GFRA2: variants seen among roughly 807,000 people sequenced by gnomAD.
The protein encoded by GFRA2 is GDNF family receptor alpha-2.
In GFRA2, 17 loss-of-function variants were observed where a neutral mutation model predicts 48.3. That is an observed-to-expected ratio of 0.35 (90% CI 0.24 to 0.53). The LOEUF (loss-of-function observed/expected upper bound fraction) is 0.53. Among genes scored for constraint, GFRA2 ranks in the 20% least tolerant of loss-of-function variants. The pLI is 0.93. For synonymous variants in GFRA2, 305 were observed against 257.2 expected (o/e 1.19, Z -1.78); for missense variants, 660 against 637.3 (o/e 1.04, Z -0.38).
intron 4 of GFRA2, among the ~76,000 whole-genome samples, chr8:21,713,395 C>A (rs1297324821): frequency 6.6e-6 from 1 of 151,984 alleles, no homozygotes; most frequent in African/African-American, 2.4e-5. Flanking sequence ...GGGATTTCAC[C>A]TTGTTGGCCA....
Position 21,692,115 on chromosome 8 carries a change from C to A in GFRA2, c.*1163G>T, listed in dbSNP as rs747834420. On this transcript the variant is annotated 3_prime_UTR_variant, in exon 9 of 9. Coordinates refer to ENST00000524240, the MANE Select transcript of GFRA2 (RefSeq NM_001495.5). Reference sequence around the variant, plus strand: ...CCAGGCTGACTGGGGCAGGGCACTGCGGGGCCAATGTCCTTTTTCCCCATT... The same window carrying A: ...CCAGGCTGACTGGGGCAGGGCACTGAGGGGCCAATGTCCTTTTTCCCCATT... 6.6e-6 allele frequency: 1 copy of A among 152,532 alleles called. No homozygotes were observed. Among genetic ancestry groups the A allele is most frequent in the African/African-American group, 2.4e-5 (1 of 41,424 alleles). 9.4% of individuals were successfully genotyped at this position (152,532 alleles called of 1,614,324 possible). A position where few individuals can be genotyped will look rare whatever the true frequency, so the allele number is the denominator to read the frequency against.
At chr8:21,802,413 G>A (rs1043420249) in intron 2 of GFRA2, among the ~76,000 whole-genome samples, 101 of 152,278 alleles carry the variant, frequency 6.6e-4, no homozygotes, top group African/African-American at 2.3e-3. Context: ...GGAGTGCAGT[G>A]GCTAAATCAT....
At chr8:21,752,539 C>A (rs79971744) in intron 3 of GFRA2, among the ~76,000 whole-genome samples, 1 of 152,044 alleles carries the variant, frequency 6.6e-6, no homozygotes, top group African/African-American at 2.4e-5. Context: ...TCTCTACATG[C>A]ACCTGCTCCC....
rs138807529 is a variant in GFRA2 at position 21,708,219 on chromosome 8, C to T, written c.795-2178G>A. On this transcript the variant is annotated intron_variant, in intron 4 of 8. Coordinates refer to ENST00000524240, the MANE Select transcript of GFRA2 (RefSeq NM_001495.5). ...AGGAGGAAATCTGCAGTTATCCCTGCCTTCTCTTCTGCCCATAAATGCACC... is the reference window on the plus strand; with the variant it reads ...AGGAGGAAATCTGCAGTTATCCCTGTCTTCTCTTCTGCCCATAAATGCACC... Among the ~76,000 whole-genome samples the T allele has an allele frequency of 1.8e-3, 273 of 152,358 alleles. 1 individual carries two copies. Among genetic ancestry groups the T allele is most frequent in the African/African-American group, 6.3e-3 (262 of 41,586 alleles).
intron 4 of GFRA2, among the ~76,000 whole-genome samples, chr8:21,745,317 G>C (rs1804952048): frequency 1.3e-5 from 2 of 152,194 alleles, no homozygotes; most frequent in Non-Finnish European, 2.9e-5. Flanking sequence ...AGCAGGAGGA[G>C]GGACCACAGG....
In GFRA2 at chr8:21,694,075, T is replaced by TATATATATATATATATATATA. The variant is rs1563209422; in HGVS notation, c.1272+388_1272+389insTATATATATATATATATATAT. ...TATATTTATATATATATTTATTTAT[T>TATATATATATATATATATATA]TTTATATATATATATATTTCCTATA... is the stretch of plus-strand genomic sequence containing the variant. On this transcript the variant is annotated intron_variant, in intron 8 of 8. Transcript: ENST00000524240. Among the ~76,000 whole-genome samples the TATATATATATATATATATATA allele has an allele frequency of 1.6e-3, 80 of 49,072 alleles. 3 individuals are homozygous for TATATATATATATATATATATA. Among genetic ancestry groups the TATATATATATATATATATATA allele is most frequent in the African/African-American group, 6.8e-3 (61 of 9,004 alleles). 32.2% of individuals were successfully genotyped at this position (49,072 alleles called of 152,430 possible).
chr8:21,745,561 T>G (rs1804964529), intron 4 of GFRA2, among the ~76,000 whole-genome samples: 2 of 152,154 alleles, frequency 1.3e-5, no homozygotes, highest in South Asian at 4.1e-4. Context: ...ATTTTCAGAA[T>G]GAAGATTTCC....
At chr8:21,744,024 C>A (rs966614378) in intron 4 of GFRA2, among the ~76,000 whole-genome samples, 1 of 152,186 alleles carries the variant, frequency 6.6e-6, no homozygotes, top group Non-Finnish European at 1.5e-5. Context: ...CACGTAACCC[C>A]GTGCAAGTAA....
At chr8:21,714,221 G>A (rs897866556) in intron 4 of GFRA2, among the ~76,000 whole-genome samples, 10 of 137,726 alleles carry the variant, frequency 7.3e-5, no homozygotes, top group African/African-American at 2.4e-4. Flanking sequence ...TTCCAGTGCT[G>A]ATCAATACAT....
intron 7 of GFRA2, among the ~76,000 whole-genome samples, chr8:21,700,387 C>G (rs1802413690): frequency 6.6e-6 from 1 of 152,216 alleles, no homozygotes; most frequent in African/African-American, 2.4e-5. Flanking sequence ...AGAGTAGGAC[C>G]TAAGACATCG....
chr8:21,747,336 C>T (rs1487184787), intron 4 of GFRA2, among the ~76,000 whole-genome samples: 1 of 152,198 alleles, frequency 6.6e-6, no homozygotes, highest in Non-Finnish European at 1.5e-5. Context: ...CAAGTTCAGT[C>T]ACTGTGGCAA....
chr8:21,702,875 G>T lies in GFRA2; in HGVS notation c.1148C>A (p.Ser383Tyr). ...TQAPRVEKTP[S>Y]LPDDLSDSTS... ...ACTGTCACTGAGGTCATCTGGCAAAGAAGGCGTCTTCTCCACCCGAGGGGC... is the reference window on the plus strand; with the variant it reads ...ACTGTCACTGAGGTCATCTGGCAAATAAGGCGTCTTCTCCACCCGAGGGGC... Residue 383 changes from serine to tyrosine, a missense_variant, in exon 7 of 9, where the codon TCT (serine) becomes TAT (tyrosine). Transcript: ENST00000524240. The T allele has an allele frequency of 6.2e-7, 1 of 1,609,320 alleles. No homozygotes were observed. The highest frequency in any genetic ancestry group is 8.5e-7 in the Non-Finnish European group (1 of 1,177,660).
intron 3 of GFRA2, among the ~76,000 whole-genome samples, chr8:21,771,223 G>A (rs1019980725): frequency 3.9e-5 from 6 of 152,118 alleles, no homozygotes; most frequent in South Asian, 2.1e-4. Context: ...CTAAAAAGCC[G>A]AGTCAGGATT....
chr8:21,800,853 A>T (rs1807757473), intron 2 of GFRA2, among the ~76,000 whole-genome samples: 1 of 151,930 alleles, frequency 6.6e-6, no homozygotes, highest in African/African-American at 2.4e-5. Context: ...TTGAGCCCAA[A>T]AATTCCAGGC....
intron 3 of GFRA2, among the ~76,000 whole-genome samples, chr8:21,773,793 G>A (rs910546629): frequency 4.6e-5 from 7 of 152,238 alleles, no homozygotes; most frequent in African/African-American, 1.7e-4. Flanking sequence ...GTTTACAGCA[G>A]TGCTTCTCAA....
chr8:21,736,918 G>A (rs1431810717), intron 4 of GFRA2, among the ~76,000 whole-genome samples: 1 of 143,554 alleles, frequency 7.0e-6, no homozygotes, highest in Non-Finnish European at 1.5e-5. Flanking sequence ...GAGGGGAGGG[G>A]AGGGGAGGGG....
chr8:21,711,369 A>C (rs1803012899), intron 4 of GFRA2, among the ~76,000 whole-genome samples: 1 of 152,190 alleles, frequency 6.6e-6, no homozygotes, highest in African/African-American at 2.4e-5. Flanking sequence ...AGAGAACCAA[A>C]ATGAAGAGGA....
chr8:21,809,177 T>C (rs1016797163), intron 1 of GFRA2, among the ~76,000 whole-genome samples: 5 of 152,190 alleles, frequency 3.3e-5, no homozygotes, highest in African/African-American at 1.2e-4. Flanking sequence ...CCGCACTCCA[T>C]GCTTTTTCCT....
chr8:21,728,966 C>T (rs1026360264), intron 4 of GFRA2, among the ~76,000 whole-genome samples: 6 of 152,178 alleles, frequency 3.9e-5, no homozygotes, highest in Non-Finnish European at 8.8e-5. Flanking sequence ...ACAGCAGAAT[C>T]GGGCATTTAG....
Sources: gnomAD v4.1 joint callset for allele counts (sites outside exome capture counted in the v4.1 genomes callset) on GRCh38, gnomAD v4.1.1 for gene constraint, MANE v1.5 for transcripts, NCBI Gene and HGNC (gene_info 2026-07-23, HGNC 2026-07-21) for gene names.